Variants in ZNF496 observed in about 807,000 individuals in gnomAD.
ZNF496 encodes the protein NSD1 (nuclear receptor binding SET-domain containing 1)-interacting zinc finger protein 1.
A neutral mutation model predicts 58.9 loss-of-function variants in ZNF496; 11 were observed. The ratio of observed to expected loss-of-function variants is 0.19; its 90% confidence interval spans 0.12 to 0.31. The LOEUF (loss-of-function observed/expected upper bound fraction) is 0.31. Ranked by LOEUF, ZNF496 falls within the 10% of genes least tolerant of loss-of-function variation. The pLI is 1.00. For synonymous variants in ZNF496, 338 were observed against 318.2 expected, an observed-to-expected ratio of 1.06 and a Z score of -0.66; for missense variants, 660 against 783.0, an observed-to-expected ratio of 0.84 and a Z score of 1.88.
In ZNF496 at chr1:247,329,603, G is replaced by A; in HGVS notation, c.-25C>T. The A allele has an allele frequency of 6.6e-7, 1 of 1,525,210 alleles. No homozygotes were observed. Among genetic ancestry groups the A allele is most frequent in the Non-Finnish European group, 8.8e-7 (1 of 1,140,918 alleles). The allele number at this position is 1,525,210 out of a possible 1,614,324, so 94.5% of individuals were successfully genotyped here. The stretch of plus-strand genomic sequence containing the variant: ...TGATGGGATTTGATGGGGGTCAGCA[G>A]CAGAAGACGACCCTATTTCCAAACA... On this transcript the variant is annotated 5_prime_UTR_variant, in exon 4 of 10. Coordinates refer to ENST00000682384, the MANE Select transcript of ZNF496 (RefSeq NM_032752.3). The surrounding 1 kb of genome is among the most constrained non-coding windows in gnomAD (Gnocchi z 5.5).
chr1:247,311,428 G>GACACACACACACACACACAC (rs1282601628), intron 6 of ZNF496: 4 of 38,228 alleles, frequency 1.0e-4, no homozygotes, highest in African/African-American at 2.4e-4. Flanking sequence ...CACACACACA[G>GACACACACACACACACACAC]AGACACACAC....
chr1:247,324,515 A>G (rs1017800599), intron 5 of ZNF496, among the ~76,000 whole-genome samples: 6 of 144,510 alleles, frequency 4.2e-5, no homozygotes, highest in Non-Finnish European at 9.1e-5. Context: ...AATGCATTAT[A>G]TTAATTAGCT....
chr1:247,301,138 T>C lies in ZNF496; in HGVS notation c.1145A>G (p.Gln382Arg), dbSNP rs776658470. 14 of 1,613,620 alleles carry C rather than the reference T, an allele frequency of 8.7e-6. No individual in the cohort carries two copies. The highest frequency in any genetic ancestry group is 1.1e-5 in the South Asian group (1 of 91,070). Residue 382 changes from glutamine (Q) to arginine (R), a missense_variant, in exon 10 of 10, where the codon CAG (glutamine) becomes CGG (arginine). By Grantham distance (43) the Gln-to-Arg change is conservative. Coordinates refer to ENST00000682384, the MANE Select transcript of ZNF496 (RefSeq NM_032752.3). ...TEELGSPTEK[Q>R]RSLPASHRSS... ...CCGGTGGGAGGCGGGGAGGCTGCGC[T>C]GCTTCTCTGTGGGGCTCCCCAGCTC... is the stretch of plus-strand genomic sequence containing the variant.
At chr1:247,321,323 T>G (rs535082041) in intron 6 of ZNF496, among the ~76,000 whole-genome samples, 2 of 152,228 alleles carry the variant, frequency 1.3e-5, no homozygotes, top group South Asian at 4.2e-4. Context: ...GTCAAATTAA[T>G]AGGGACTAAA....
chr1:247,310,406 A>C lies in ZNF496; in HGVS notation c.702T>G (p.Asp234Glu). ...KDMILCFSEE[D>E]WSLLDPAQTG... Reference sequence around the variant, plus strand: ...TCTGGGCAGGATCTAGAAGGGACCAATCCTCTTCAGAGAAGCATAAAATCA... The same window carrying C: ...TCTGGGCAGGATCTAGAAGGGACCACTCCTCTTCAGAGAAGCATAAAATCA... Residue 234 changes from aspartate (D) to glutamate (E), a missense_variant, in exon 7 of 10, where the codon GAT (aspartate) becomes GAG (glutamate). Coordinates refer to ENST00000682384, the MANE Select transcript of ZNF496 (RefSeq NM_032752.3). 6.2e-7 allele frequency: 1 copy of C among 1,614,182 alleles called. No individual in the cohort carries two copies. The highest frequency in any genetic ancestry group is 1.1e-5 in the South Asian group (1 of 91,092).
chr1:247,309,566 G>T lies in ZNF496; in HGVS notation c.892+133C>A. On this transcript the variant is annotated intron_variant, in intron 8 of 9. Transcript: ENST00000682384. This position sits in a 1 kb window ranked among gnomAD's most constrained non-coding sequence, Gnocchi z 4.3. ...GTCAGGGACAAGGCAAGACATGCAA[G>T]ACCCACATAGAGTCTGGGGAAATGA... is the stretch of plus-strand genomic sequence containing the variant. 1 of 1,445,296 alleles carries T rather than the reference G, an allele frequency of 6.9e-7. No individual in the cohort carries two copies. Among genetic ancestry groups the T allele is most frequent in the South Asian group, 1.5e-5 (1 of 65,624 alleles). The allele number at this position is 1,445,296 out of a possible 1,614,324, so 89.5% of individuals were successfully genotyped here.
At chr1:247,324,906 A>G (rs1660076314) in intron 5 of ZNF496, among the ~76,000 whole-genome samples, 2 of 151,980 alleles carry the variant, frequency 1.3e-5, no homozygotes, top group Admixed American at 1.3e-4. Flanking sequence ...GGACTCTGCC[A>G]CTCTTCTCTC....
intron 5 of ZNF496, among the ~76,000 whole-genome samples, chr1:247,324,176 G>A (rs1017769574): frequency 2.0e-5 from 3 of 151,806 alleles, no homozygotes; most frequent in Admixed American, 2.0e-4. Context: ...TTGACGACAT[G>A]AATGAACCTG....
chr1:247,301,469 GC>G (rs1659235392), intron 9 of ZNF496, among the ~76,000 whole-genome samples, 193 bp from the exon 10 acceptor site: 1 of 152,146 alleles, frequency 6.6e-6, no homozygotes, highest in Non-Finnish European at 1.5e-5. Flanking sequence ...TTCAGCATGG[GC>G]CCCGCTGTGT....
rs551784708 is a variant in ZNF496 at position 247,315,798 on chromosome 1, T to A, written c.652-5342A>T. On this transcript the variant is annotated intron_variant, in intron 6 of 9. Transcript: ENST00000682384. ...ATACCTCAAAAATTCTAAATTTGAG[T>A]CAGGGTTTTGGAACAAGGACTCTTG... Among the ~76,000 whole-genome samples the A allele has an allele frequency of 8.5e-5, 13 of 152,118 alleles. No homozygotes were observed. The East Asian group carries it at 1.7e-3, about 20-fold the overall frequency.
intron 6 of ZNF496, 103 bp from the exon 7 acceptor site, chr1:247,310,559 T>C: frequency 2.1e-6 from 3 of 1,446,234 alleles, no homozygotes; most frequent in Non-Finnish European, 2.8e-6. Context: ...GGACGGGCAG[T>C]TTCTATACAA....
chr1:247,330,275 A>C (rs1315209639), intron 2 of ZNF496, among the ~76,000 whole-genome samples, 194 bp from the exon 3 acceptor site: 1 of 152,226 alleles, frequency 6.6e-6, no homozygotes, highest in African/African-American at 2.4e-5. Context: ...GCAGTCTACC[A>C]GGGACAAATA....
At chr1:247,328,962 C>G in intron 4 of ZNF496, 96 bp from the exon 5 acceptor site, 1 of 1,471,102 alleles carries the variant, frequency 6.8e-7, no homozygotes, top group Non-Finnish European at 9.1e-7. Context: ...CCATCAAAGG[C>G]TCAACTTAGG....
At chr1:247,312,744 A>G (rs1486485550) in intron 6 of ZNF496, 2 of 152,040 alleles carry the variant, frequency 1.3e-5, no homozygotes, top group East Asian at 2.0e-4. Flanking sequence ...AAAAAAAAAA[A>G]AAAAAGAAAA....
At chr1:247,314,174 T>G (rs958918275) in intron 6 of ZNF496, among the ~76,000 whole-genome samples, 3 of 152,152 alleles carry the variant, frequency 2.0e-5, no homozygotes, top group African/African-American at 7.2e-5. Context: ...ATCCTCCTGC[T>G]CAGCCTCCCA....
intron 6 of ZNF496, among the ~76,000 whole-genome samples, chr1:247,320,799 C>T (rs921471917): frequency 6.6e-6 from 1 of 152,152 alleles, no homozygotes. Flanking sequence ...AATGTGGAAG[C>T]AATGTAAATG....
chr1:247,322,891 G>A (rs1175829710), intron 6 of ZNF496: 9 of 947,580 alleles, frequency 9.5e-6, no homozygotes, highest in Non-Finnish European at 1.4e-5. Flanking sequence ...GGGACTCATG[G>A]GCCTTTGTTT....
In ZNF496 at chr1:247,329,847, G is replaced by A. The variant is rs1269007306; in HGVS notation, c.-38+119C>T. Reference sequence around the variant, plus strand: ...GTGGATTCCCGTTAAGTGGGTGACTGGATGAACAAGACAGGAAATCTGGGA... The same window carrying A: ...GTGGATTCCCGTTAAGTGGGTGACTAGATGAACAAGACAGGAAATCTGGGA... On this transcript the variant is annotated intron_variant, in intron 3 of 9. Coordinates refer to ENST00000682384, the MANE Select transcript of ZNF496 (RefSeq NM_032752.3). This position sits in a 1 kb window ranked among gnomAD's most constrained non-coding sequence, Gnocchi z 5.5. 5.0e-6 allele frequency: 2 copies of A among 398,990 alleles called. No individual in the cohort carries two copies. The highest frequency in any genetic ancestry group is 8.8e-6 in the Non-Finnish European group (2 of 226,740). 24.7% of individuals were successfully genotyped at this position (398,990 alleles called of 1,614,324 possible).
chr1:247,310,062 A>G (rs1659543660), intron 7 of ZNF496: 1 of 1,428,664 alleles, frequency 7.0e-7, no homozygotes, highest in Non-Finnish European at 9.1e-7. Flanking sequence ...AGAACGATGG[A>G]AGAGAAATGG....
Sources: gnomAD v4.1 joint callset for allele counts (sites outside exome capture counted in the v4.1 genomes callset) on GRCh38, gnomAD v4.1.1 for gene constraint, Gnocchi (gnomAD v3.1) non-coding constraint, MANE v1.5 for transcripts, NCBI Gene and HGNC (gene_info 2026-07-23, HGNC 2026-07-21) for gene names.